Variants in COPS6 observed in about 807,000 individuals in gnomAD.
COPS6 encodes the protein COP9 signalosome subunit 6.
In COPS6, 9 loss-of-function variants were observed where a neutral mutation model predicts 41.0. That is an observed-to-expected ratio of 0.22 (90% CI 0.13 to 0.38). The LOEUF (loss-of-function observed/expected upper bound fraction) is 0.38, where lower values mean the gene tolerates loss of function less well. COPS6 is among the 10% of genes least tolerant of loss of function. The probability of loss-of-function intolerance (pLI) is 1.00; values close to 1 mark genes in which losing one functional copy is unlikely to be tolerated. For synonymous variants in COPS6, 179 were observed against 162.9 expected (o/e 1.10, Z -0.75); for missense variants, 302 against 436.7 (o/e 0.69, Z 2.75).
chr7:100,091,991 A>G lies in COPS6; in HGVS notation c.*202A>G, dbSNP rs1795335795. ...ATCGAGGCTCATTCTGGCCTTGCTCAGAAGCCCTTCTGATGCTCTTCAGTG... is the reference window on the plus strand; with the variant it reads ...ATCGAGGCTCATTCTGGCCTTGCTCGGAAGCCCTTCTGATGCTCTTCAGTG... On this transcript the variant is annotated 3_prime_UTR_variant, in exon 10 of 10. Coordinates refer to ENST00000303904, the MANE Select transcript of COPS6 (RefSeq NM_006833.5). This position sits in a 1 kb window ranked among gnomAD's most constrained non-coding sequence, Gnocchi z 4.1. 1 of 632,062 alleles carries G rather than the reference A, an allele frequency of 1.6e-6. No homozygotes were observed. The highest frequency in any genetic ancestry group is 2.7e-6 in the Non-Finnish European group (1 of 370,034). 39.2% of individuals were successfully genotyped at this position (632,062 alleles called of 1,614,324 possible). A position where few individuals can be genotyped will look rare whatever the true frequency, so the allele number is the denominator to read the frequency against.
At position 100,091,065 on chromosome 7, in the gene COPS6, T is replaced by G; in HGVS notation, c.562T>G (p.Tyr188Asp). 6.2e-7 allele frequency: 1 copy of G among 1,614,266 alleles called. No individual in the cohort carries two copies. The highest frequency in any genetic ancestry group is 8.5e-7 in the Non-Finnish European group (1 of 1,180,046). ...CACAATGCTGTTTGCTGAGCTGACC[T>G]ACACTCTGGCCACAGAGGAAGCGGA... ...EATMLFAELT[Y>D]TLATEEAERI... The change falls in exon 7 of 10, where the codon TAC becomes GAC. Residue 188 changes from tyrosine (Y) to aspartate (D), a missense_variant. This residue lies in a region of COPS6 where 222 missense variants were observed against 309.0 expected (regional missense o/e 0.72). Coordinates refer to ENST00000303904, the MANE Select transcript of COPS6 (RefSeq NM_006833.5). The surrounding 1 kb of genome is among the most constrained non-coding windows in gnomAD (Gnocchi z 4.1).
rs1795308970 is a variant in COPS6, at chr7:100,091,061, G to A, written c.558G>A (p.Leu186=). Residue 186 remains leucine (L), a synonymous_variant, in exon 7 of 10, where the codon CTG becomes CTA. Transcript: ENST00000303904. This position sits in a 1 kb window ranked among gnomAD's most constrained non-coding sequence, Gnocchi z 4.1. The part of the protein sequence containing the change: ...NGEATMLFAE[L]TYTLATEEAE... ...AGGCCACAATGCTGTTTGCTGAGCT[G>A]ACCTACACTCTGGCCACAGAGGAAG... 1 of 1,614,108 alleles carries A rather than the reference G, an allele frequency of 6.2e-7. No individual in the cohort carries two copies. The highest frequency in any genetic ancestry group is 8.5e-7 in the Non-Finnish European group (1 of 1,180,042).
rs2272346 is a variant in COPS6 at position 100,091,199 on chromosome 7, A to C, written c.650-39A>C. On this transcript the variant is annotated intron_variant, in intron 7 of 9. Coordinates refer to ENST00000303904, the MANE Select transcript of COPS6 (RefSeq NM_006833.5). The surrounding 1 kb of genome is among the most constrained non-coding windows in gnomAD (Gnocchi z 4.1). ...AAGTGGGGTTGGAAGGTGTGGCCAC[A>C]TCCCGTCTCAACCTCCTCCTGTCCT... 0.044 allele frequency: 70,226 copies of C among 1,613,584 alleles called. 1,614 individuals carry two copies. The highest frequency in any genetic ancestry group is 0.056 in the Middle Eastern group (339 of 6,060).
Position 100,092,038 on chromosome 7 carries a change from G to C in COPS6, c.*249G>C. ...AGTGAGGGAGGCACTACCATTTGAAGTGACCCCATGTCAGTCACATGGACT... is the reference window on the plus strand; with the variant it reads ...AGTGAGGGAGGCACTACCATTTGAACTGACCCCATGTCAGTCACATGGACT... On this transcript the variant is annotated 3_prime_UTR_variant, in exon 10 of 10. Coordinates refer to ENST00000303904, the MANE Select transcript of COPS6 (RefSeq NM_006833.5). 1.9e-6 allele frequency: 1 copy of C among 533,682 alleles called. No homozygotes were observed. Among genetic ancestry groups the C allele is most frequent in the Non-Finnish European group, 3.4e-6 (1 of 297,128 alleles). The allele number at this position is 533,682 out of a possible 1,614,324, so 33.1% of individuals were successfully genotyped here.
Position 100,091,290 on chromosome 7 carries a change from C to T in COPS6, c.702C>T (p.Arg234=), listed in dbSNP as rs761048181. The T allele has an allele frequency of 1.4e-5, 23 of 1,614,048 alleles. No homozygotes were observed. The South Asian group carries it at 2.1e-4, about 15-fold the overall frequency. Residue 234 remains arginine, a synonymous_variant, in exon 8 of 10, where the codon CGC becomes CGT. Coordinates refer to ENST00000303904, the MANE Select transcript of COPS6 (RefSeq NM_006833.5). The surrounding 1 kb of genome is among the most constrained non-coding windows in gnomAD (Gnocchi z 4.1). ...GCGCCATCAAGATGCTGCACAGCCG[C>T]GTCAAGCTCATCTTGGAGTACGTCA... The part of the protein sequence containing the change: ...QHSAIKMLHS[R]VKLILEYVKA...
At chr7:100,089,878 T>A (rs1353277458) in intron 3 of COPS6, 132 bp downstream of exon 3, 8 of 817,380 alleles carry the variant, frequency 9.8e-6, no homozygotes, top group Admixed American at 3.0e-5. Flanking sequence ...GAAGAGTAGC[T>A]GGAGAGATCT....
rs183823744 is a variant in COPS6, at chr7:100,091,138, G to A, written c.635G>A (p.Gly212Glu). 6.2e-7 allele frequency: 1 copy of A among 1,614,244 alleles called. No homozygotes were observed. The highest frequency in any genetic ancestry group is 8.5e-7 in the Non-Finnish European group (1 of 1,180,036). ...HVARMTATGS[G>E]ENSTVAEHLI... ...GCCCGAATGACAGCAACAGGCAGTG[G>A]AGAGAACTCCACTGGTAATGGAGGG... The change falls in exon 7 of 10, where the codon GGA becomes GAA. Residue 212 changes from glycine (G) to glutamate (E), a missense_variant. Transcript: ENST00000303904. This position sits in a 1 kb window ranked among gnomAD's most constrained non-coding sequence, Gnocchi z 4.1.
rs942006625 is a variant in COPS6 at position 100,092,078 on chromosome 7, T to A, written c.*289T>A. On this transcript the variant is annotated 3_prime_UTR_variant, in exon 10 of 10. Transcript: ENST00000303904. ...TCACATGGACTGGTCTTTAGCAAAG[T>A]CCAAGGCTGCCTGCTTCCACCTAAG... 2.3e-6 allele frequency: 1 copy of A among 429,458 alleles called. No homozygotes were observed. The highest frequency in any genetic ancestry group is 4.2e-6 in the Non-Finnish European group (1 of 236,268). 26.6% of individuals were successfully genotyped at this position (429,458 alleles called of 1,614,324 possible). A position where few individuals can be genotyped will look rare whatever the true frequency, so the allele number is the denominator to read the frequency against.
At position 100,090,953 on chromosome 7, in the gene COPS6, A is replaced by C. The variant is rs1795306677; in HGVS notation, c.534+4A>C. Reference sequence around the variant, plus strand: ...CATTGATATAATCAATGGAGAGGTAATACCCTACCCTTCAACCCTCAGATC... The same window carrying C: ...CATTGATATAATCAATGGAGAGGTACTACCCTACCCTTCAACCCTCAGATC... On this transcript the variant is annotated splice_donor_region_variant and intron_variant, in intron 6 of 9. Transcript: ENST00000303904. 1 of 1,614,134 alleles carries C rather than the reference A, an allele frequency of 6.2e-7. No individual in the cohort carries two copies. Among genetic ancestry groups the C allele is most frequent in the Non-Finnish European group, 8.5e-7 (1 of 1,179,990 alleles).
In COPS6 at chr7:100,090,891, C is replaced by T; in HGVS notation, c.487-11C>T. The T allele has an allele frequency of 6.2e-7, 1 of 1,614,180 alleles. No individual in the cohort carries two copies. Among genetic ancestry groups the T allele is most frequent in the Non-Finnish European group, 8.5e-7 (1 of 1,179,972 alleles). On this transcript the variant is annotated splice_polypyrimidine_tract_variant and intron_variant, in intron 5 of 9. Transcript: ENST00000303904. ...GCATATAGTGTTCAGGTTTCTCCGT[C>T]TCCTTCACAGCTTCCTGTCAGCGTT...
Position 100,089,757 on chromosome 7 carries a change from A to C in COPS6, c.334+11A>C. The C allele has an allele frequency of 6.2e-7, 1 of 1,613,010 alleles. No homozygotes were observed. Among genetic ancestry groups the C allele is most frequent in the South Asian group, 1.1e-5 (1 of 90,940 alleles). ...CCAAGGAGGAGCAGTGTGAGAGTGG[A>C]ATAGATGTGGGGAAGAGGAGTGGGA... On this transcript the variant is annotated intron_variant, in intron 3 of 9. Coordinates refer to ENST00000303904, the MANE Select transcript of COPS6 (RefSeq NM_006833.5).
At position 100,091,399 on chromosome 7, in the gene COPS6, A is replaced by T. The variant is rs758009552; in HGVS notation, c.743-21A>T. ...GAAGTGACAGCATCCAAACTAATGT[A>T]GTCTCTTTTTGTGCCTTTAGGAGAG... On this transcript the variant is annotated intron_variant, in intron 8 of 9. Transcript: ENST00000303904. This position sits in a 1 kb window ranked among gnomAD's most constrained non-coding sequence, Gnocchi z 4.1. 7.4e-6 allele frequency: 12 copies of T among 1,612,536 alleles called. No homozygotes were observed. Among genetic ancestry groups the T allele is most frequent in the Non-Finnish European group, 8.5e-6 (10 of 1,178,664 alleles).
intron 4 of COPS6, 40 bp from the exon 5 acceptor site, chr7:100,090,551 TA>T: frequency 6.2e-7 from 1 of 1,609,846 alleles, no homozygotes; most frequent in Non-Finnish European, 8.5e-7. Context: ...AGGAGAAAGG[TA>T]GGGGGCACTG....
rs1795273751 is a variant in COPS6 at position 100,089,021 on chromosome 7, A to G, written c.31A>G (p.Thr11Ala). 1 of 1,321,638 alleles carries G rather than the reference A, an allele frequency of 7.6e-7. No individual in the cohort carries two copies. Among genetic ancestry groups the G allele is most frequent in the Non-Finnish European group, 9.7e-7 (1 of 1,032,528 alleles). The allele number at this position is 1,321,638 out of a possible 1,614,324, so 81.9% of individuals were successfully genotyped here. A position where few individuals can be genotyped will look rare whatever the true frequency, so the allele number is the denominator to read the frequency against. Residue 11 changes from threonine to alanine, a missense_variant, in exon 1 of 10, where the codon ACG (threonine) becomes GCG (alanine). Thr to Ala is a moderately conservative substitution (Grantham distance 58). Coordinates refer to ENST00000303904, the MANE Select transcript of COPS6 (RefSeq NM_006833.5). MAAAAAAAAATNGTGGSSGME... is the reference protein window; with the variant it reads MAAAAAAAAAANGTGGSSGME... ...GGCGGCGGCGGCGGCGGCTGCAGCT[A>G]CGAACGGGACCGGAGGAAGCAGCGG...
At chr7:100,089,767 G>A in intron 3 of COPS6, 21 bp downstream of exon 3, 2 of 1,611,760 alleles carry the variant, frequency 1.2e-6, no homozygotes, top group Non-Finnish European at 1.7e-6. Context: ...AATAGATGTG[G>A]GGAAGAGGAG....
At chr7:100,090,566 T>C (rs1795300493) in intron 4 of COPS6, 26 bp from the exon 5 acceptor site, 4 of 1,612,410 alleles carry the variant, frequency 2.5e-6, no homozygotes, top group Non-Finnish European at 3.4e-6. Context: ...GGCACTGACT[T>C]CCTGTGCATT....
chr7:100,091,253 T>C lies in COPS6; in HGVS notation c.665T>C (p.Ile222Thr). Residue 222 changes from isoleucine to threonine, a missense_variant, in exon 8 of 10, where the codon ATA (isoleucine) becomes ACA (threonine). By Grantham distance (89) the Ile-to-Thr change is moderately conservative. This residue lies in a region of COPS6 where 222 missense variants were observed against 309.0 expected (regional missense o/e 0.72). Coordinates refer to ENST00000303904, the MANE Select transcript of COPS6 (RefSeq NM_006833.5). The surrounding 1 kb of genome is among the most constrained non-coding windows in gnomAD (Gnocchi z 4.1). ...GENSTVAEHL[I>T]AQHSAIKMLH... ...CCCCTTGCAGTGGCTGAACACCTGA[T>C]AGCACAGCACAGCGCCATCAAGATG... 6.2e-7 allele frequency: 1 copy of C among 1,614,182 alleles called. No homozygotes were observed. The highest frequency in any genetic ancestry group is 8.5e-7 in the Non-Finnish European group (1 of 1,180,018).
In COPS6 at chr7:100,091,370, T is replaced by TG. The variant is rs765508603; in HGVS notation, c.742+44dup. 6.2e-6 allele frequency: 10 copies of TG among 1,612,954 alleles called. No homozygotes were observed. Among genetic ancestry groups the TG allele is most frequent in the Non-Finnish European group, 8.5e-6 (10 of 1,178,920 alleles). On this transcript the variant is annotated intron_variant, in intron 8 of 9. Coordinates refer to ENST00000303904, the MANE Select transcript of COPS6 (RefSeq NM_006833.5). The surrounding 1 kb of genome is among the most constrained non-coding windows in gnomAD (Gnocchi z 4.1). ...TCCCTGGCATTCTTCCTCTCCCTCC[T>TG]GGGGAAGTGACAGCATCCAAACTAA...
At chr7:100,089,508 C>T in intron 2 of COPS6, 93 bp downstream of exon 2, 1 of 1,601,930 alleles carries the variant, frequency 6.2e-7, no homozygotes, top group South Asian at 1.1e-5. Flanking sequence ...CCAATTCCCC[C>T]TCCCCCAAAT....
Sources: gnomAD v4.1 joint callset for allele counts on GRCh38, gnomAD v4.1.1 for gene constraint, gnomAD v4.1.1 regional missense constraint, Gnocchi (gnomAD v3.1) non-coding constraint, MANE v1.5 for transcripts, NCBI Gene and HGNC (gene_info 2026-07-23, HGNC 2026-07-21) for gene names.